Variants in PHYHD1 observed in about 807,000 individuals in gnomAD.
PHYHD1 encodes the protein phytanoyl-CoA dioxygenase domain-containing protein 1.
A neutral mutation model predicts 43.6 loss-of-function variants in PHYHD1; 42 were observed. The ratio of observed to expected loss-of-function variants is 0.96; its 90% CI spans 0.75 to 1.25. The LOEUF is 1.25. PHYHD1 is among the 50% of genes most tolerant of loss of function. The pLI, the probability that PHYHD1 is intolerant of heterozygous loss-of-function variation, is 0.00. For missense variants in PHYHD1, 342 were observed against 370.8 expected (o/e 0.92, Z 0.64); for synonymous variants, 139 against 143.6 (o/e 0.97, Z 0.23).
intron 9 of PHYHD1, 142 bp from the exon 10 acceptor site, chr9:128,940,227 C>A: frequency 1.5e-6 from 2 of 1,326,200 alleles, no homozygotes; most frequent in Non-Finnish European, 2.1e-6. Context: ...GAGTCCTGGG[C>A]CAGGAAGTGA....
Position 128,936,517 on chromosome 9 carries a change from G to T in PHYHD1, c.372+14G>T. ...TTCAAGGTGCAGGTGAGCAGAGGTG[G>T]GGGTGAGGGCCAGGAGGGTGGGCCA... On this transcript the variant is annotated intron_variant, in intron 7 of 12. Transcript: ENST00000372592. 3.1e-6 allele frequency: 5 copies of T among 1,613,624 alleles called. No individual in the cohort carries two copies. Among genetic ancestry groups the T allele is most frequent in the Non-Finnish European group, 4.2e-6 (5 of 1,179,880 alleles).
rs115642628 is a variant in PHYHD1 at position 128,940,519 on chromosome 9, G to T, written c.586+22G>T. 1.1e-4 allele frequency: 177 copies of T among 1,614,062 alleles called. 1 individual carries two copies. The African/African-American group carries it at 1.8e-3, about 17-fold the overall frequency. ...ACCAGTGAGGAACCCTGTCTCTTCT[G>T]CCCACTTGGGACTCCCCACCCCCTA... On this transcript the variant is annotated intron_variant, in intron 10 of 12. Transcript: ENST00000372592.
intron 4 of PHYHD1, 59 bp downstream of exon 4, chr9:128,927,255 G>C (rs1000664744): frequency 1.3e-6 from 2 of 1,597,196 alleles, no homozygotes; most frequent in Admixed American, 3.3e-5. Flanking sequence ...CTTGGTCCCC[G>C]GCCAGAGCAG....
intron 4 of PHYHD1, 131 bp from the exon 5 acceptor site, chr9:128,933,651 A>G: frequency 1.1e-6 from 1 of 947,166 alleles, no homozygotes; most frequent in Non-Finnish European, 1.7e-6. Flanking sequence ...CTCAGTGGAC[A>G]AGTCTGAGAA....
chr9:128,937,258 GAAGAAAAAAAAA>G lies in PHYHD1; in HGVS notation c.436-486_436-475del, dbSNP rs984851397. On this transcript the variant is annotated intron_variant, in intron 8 of 12. Transcript: ENST00000372592. Reference sequence around the variant, plus strand: ...GCGAGACCCCATTCTCCACAAAAAGGAAGAAAAAAAAAAAGAAAAAAAAATTTGGTGGTAGGA... The same window carrying G: ...GCGAGACCCCATTCTCCACAAAAAGGAAGAAAAAAAAATTTGGTGGTAGGA... Among the ~76,000 whole-genome samples, 8 of 149,820 alleles carry G rather than the reference GAAGAAAAAAAAA, an allele frequency of 5.3e-5. No individual in the cohort carries two copies. In the East Asian group the frequency reaches 7.8e-4, roughly 15 times the overall value.
chr9:128,932,209 C>T (rs1312574021), intron 4 of PHYHD1, among the ~76,000 whole-genome samples: 2 of 134,110 alleles, frequency 1.5e-5, no homozygotes, highest in South Asian at 2.3e-4. Context: ...GATGGAGTCT[C>T]GCACTGTCAC....
Position 128,934,018 on chromosome 9 carries a change from C to T in PHYHD1, c.276C>T (p.Phe92=). Residue 92 remains phenylalanine, a synonymous_variant, in exon 6 of 13, where the codon TTC becomes TTT. Transcript: ENST00000372592. The part of the protein sequence containing the change: ...EKGVFDEKGN[F]LVPPEKSINK... ...CTGTTCTTTGTGCCACAGGAAATTT[C>T]CTGGTCCCTCCGGAGAAATCCATCA... is the stretch of plus-strand genomic sequence containing the variant. The T allele has an allele frequency of 6.2e-7, 1 of 1,613,910 alleles. No individual in the cohort carries two copies. The highest frequency in any genetic ancestry group is 8.5e-7 in the Non-Finnish European group (1 of 1,179,914).
intron 9 of PHYHD1, 60 bp downstream of exon 9, chr9:128,937,838 G>A: frequency 1.2e-6 from 2 of 1,613,190 alleles, no homozygotes; most frequent in Non-Finnish European, 1.7e-6. Flanking sequence ...AGACAGCAAT[G>A]GTTCTCAGAT....
intron 3 of PHYHD1, among the ~76,000 whole-genome samples, chr9:128,922,652 G>A (rs776705770): frequency 6.6e-6 from 1 of 152,220 alleles, no homozygotes; most frequent in Non-Finnish European, 1.5e-5. Flanking sequence ...AACGCTGTTG[G>A]GGGGCGCAGC....
intron 9 of PHYHD1, chr9:128,938,012 T>C (rs1225922206): frequency 7.2e-7 from 1 of 1,386,302 alleles, no homozygotes; most frequent in African/African-American, 1.5e-5. Flanking sequence ...TGGTTAAAAA[T>C]ATAGATTTCC....
chr9:128,927,851 C>G (rs1373241350), intron 4 of PHYHD1, among the ~76,000 whole-genome samples: 4 of 152,236 alleles, frequency 2.6e-5, no homozygotes, highest in Non-Finnish European at 4.4e-5. Flanking sequence ...TTGTGGCCAG[C>G]CACCTGGAAT....
intron 4 of PHYHD1, among the ~76,000 whole-genome samples, chr9:128,933,014 A>T (rs527483644): frequency 6.3e-5 from 9 of 141,864 alleles, no homozygotes; most frequent in African/African-American, 7.9e-5. Context: ...TGCCCGGCTA[A>T]TTTTTTGTAT....
At chr9:128,934,125 T>C in intron 6 of PHYHD1, 67 bp downstream of exon 6, 1 of 1,516,656 alleles carries the variant, frequency 6.6e-7, no homozygotes, top group Non-Finnish European at 9.1e-7. Flanking sequence ...GGCTTACACT[T>C]GTAATCCTAA....
intron 3 of PHYHD1, among the ~76,000 whole-genome samples, chr9:128,924,143 G>C (rs374420513): frequency 6.6e-6 from 1 of 151,908 alleles, no homozygotes; most frequent in African/African-American, 2.4e-5. Context: ...CAGGCCGGGC[G>C]CAGTGGCTCA....
At position 128,922,049 on chromosome 9, in the gene PHYHD1, TA is replaced by T; in HGVS notation, c.-42+4del. The T allele has an allele frequency of 2.0e-6, 1 of 501,232 alleles. No homozygotes were observed. Among genetic ancestry groups the T allele is most frequent in the East Asian group, 3.6e-5 (1 of 28,058 alleles). The allele number at this position is 501,232 out of a possible 1,614,324, so 31.0% of individuals were successfully genotyped here. On this transcript the variant is annotated splice_donor_region_variant and intron_variant, in intron 2 of 12. Transcript: ENST00000372592. ...CACAGCATAATTTCCCGGCACCTGG[TA>T]AGCAGTGGTGGGGGGTGGTTTCCAG...
chr9:128,938,695 T>A (rs1841486572), intron 9 of PHYHD1, among the ~76,000 whole-genome samples: 1 of 133,688 alleles, frequency 7.5e-6, no homozygotes, highest in Admixed American at 8.1e-5. Context: ...AGTGCTGGGA[T>A]TACAGGGATG....
intron 9 of PHYHD1, 82 bp from the exon 10 acceptor site, chr9:128,940,287 G>A (rs17455252): frequency 1.3e-6 from 2 of 1,577,192 alleles, no homozygotes; most frequent in Non-Finnish European, 8.6e-7. Context: ...GCACCCAGAG[G>A]ACTGAGGAAT....
At chr9:128,929,715 C>T (rs943495896) in intron 4 of PHYHD1, among the ~76,000 whole-genome samples, 3 of 152,078 alleles carry the variant, frequency 2.0e-5, no homozygotes, top group Non-Finnish European at 2.9e-5. Context: ...TATCTACATA[C>T]GTGTGTGTGT....
chr9:128,930,172 T>C (rs1320018965), intron 4 of PHYHD1, among the ~76,000 whole-genome samples: 1 of 150,878 alleles, frequency 6.6e-6, no homozygotes, highest in Non-Finnish European at 1.5e-5. Flanking sequence ...CCTGGCTACT[T>C]GGGAGGCTGA....
Sources: gnomAD v4.1 joint callset for allele counts (sites outside exome capture counted in the v4.1 genomes callset) on GRCh38, gnomAD v4.1.1 for gene constraint, MANE v1.5 for transcripts, NCBI Gene and HGNC (gene_info 2026-07-23, HGNC 2026-07-21) for gene names.